Variants in FHIP1B observed in about 807,000 individuals in gnomAD.
The protein encoded by FHIP1B is FHF complex subunit HOOK interacting protein 1B.
A neutral mutation model predicts 82.2 loss-of-function variants in FHIP1B; 28 were observed. The ratio of observed to expected loss-of-function variants is 0.34; its 90% CI spans 0.25 to 0.47. The LOEUF (loss-of-function observed/expected upper bound fraction) is 0.47. Among genes scored for constraint, FHIP1B ranks in the 20% least tolerant of loss-of-function variants. The pLI is 1.00. For missense variants in FHIP1B, 1,110 were observed against 1,262.6 expected, an observed-to-expected ratio of 0.88 and a Z score of 1.83; for synonymous variants, 585 against 516.1, an observed-to-expected ratio of 1.13 and a Z score of -1.81.
At chr11:6,216,090 T>C (rs1048148882) in intron 9 of FHIP1B, among the ~76,000 whole-genome samples, 6 of 152,188 alleles carry the variant, frequency 3.9e-5, no homozygotes, top group African/African-American at 1.4e-4. Context: ...AAAGCTTCAA[T>C]TAATACTTCA....
Position 6,218,067 on chromosome 11 carries a change from G to A in FHIP1B, c.1519C>T (p.Arg507Trp), listed in dbSNP as rs780574233. The change falls in exon 9 of 12, where the codon CGG (arginine) becomes TGG (tryptophan). Residue 507 changes from arginine to tryptophan, a missense_variant. Physicochemically the swap from Arg to Trp is moderately radical, Grantham distance 101. Around this residue, in one of 6 missense-constraint regions of FHIP1B, gnomAD observed 418 missense variants for 371.4 expected, o/e 1.13. Coordinates refer to ENST00000449352, the MANE Select transcript of FHIP1B (RefSeq NM_001098794.2). The part of the protein sequence containing the change: ...STPSRLALFL[R>W]QQSLGGSESP... ...TCAGAGCCACCCAGGCTCTGCTGCC[G>A]CAGGAAGAGAGCCAGACGAGATGGT... 24 of 1,613,510 alleles carry A rather than the reference G, an allele frequency of 1.5e-5. No homozygotes were observed. The highest frequency in any genetic ancestry group is 1.1e-4 in the East Asian group (5 of 44,846).
At chr11:6,218,486 T>TGCCTAGCC (rs1847312670) in intron 8 of FHIP1B, 114 bp downstream of exon 8, 17 of 1,483,518 alleles carry the variant, frequency 1.1e-5, no homozygotes, top group Non-Finnish European at 1.5e-5. Context: ...AGACAGACTA[T>TGCCTAGCC]CATTCATGGA....
rs201955204 is a variant in FHIP1B at position 6,218,012 on chromosome 11, C to T, written c.1574G>A (p.Gly525Glu). 6.2e-7 allele frequency: 1 copy of T among 1,613,584 alleles called. No homozygotes were observed. The highest frequency in any genetic ancestry group is 2.2e-5 in the East Asian group (1 of 44,862). ...GCTGGAGGCGGGGGATGCAGAAAGC[C>T]CTGGTGAGCAAGGGGCTGGGCCTGG... ...ESPGPAPCSP[G>E]LSASPASSPG... The change falls in exon 9 of 12, where the codon GGG (glycine) becomes GAG (glutamate). Residue 525 changes from glycine to glutamate, a missense_variant. Gly to Glu is a moderately conservative substitution (Grantham distance 98). Coordinates refer to ENST00000449352, the MANE Select transcript of FHIP1B (RefSeq NM_001098794.2).
intron 6 of FHIP1B, among the ~76,000 whole-genome samples, chr11:6,220,130 T>A (rs1234028254): frequency 6.6e-6 from 1 of 152,138 alleles, no homozygotes. Flanking sequence ...GTATCCTAGA[T>A]GAGATTATCC....
intron 1 of FHIP1B, among the ~76,000 whole-genome samples, chr11:6,234,242 C>T (rs1025512018): frequency 2.6e-5 from 4 of 152,102 alleles, no homozygotes; most frequent in Admixed American, 2.0e-4. Context: ...TCGCGCAGGC[C>T]TTACCCCTCA....
Position 6,214,414 on chromosome 11 carries a change from G to C in FHIP1B, c.2554C>G (p.Leu852Val). ...AGPAPRRSDP[L>V]VKSRRPSLGE... ...GGTGTGGTGGGATAGGCCTCACCTAGGGGATCAGAACGGCGTGGGGCAGGT... is the reference window on the plus strand; with the variant it reads ...GGTGTGGTGGGATAGGCCTCACCTACGGGATCAGAACGGCGTGGGGCAGGT... The change falls in exon 11 of 12, where the codon CTA becomes GTA. Residue 852 changes from leucine (L) to valine (V), a missense_variant. By Grantham distance (32) the Leu-to-Val change is conservative. Transcript: ENST00000449352. The C allele has an allele frequency of 6.2e-7, 1 of 1,607,922 alleles. No individual in the cohort carries two copies.
In FHIP1B at chr11:6,211,498, G is replaced by C. The variant is rs750647959; in HGVS notation, c.*8C>G. ...CCACCCATGGCCCTGATTGTCCATG[G>C]AAGAAAGTTAAGGATTGAGGGGCCC... On this transcript the variant is annotated 3_prime_UTR_variant, in exon 12 of 12. Transcript: ENST00000449352. 3 of 1,572,022 alleles carry C rather than the reference G, an allele frequency of 1.9e-6. No individual in the cohort carries two copies. The highest frequency in any genetic ancestry group is 1.9e-5 in the Admixed American group (1 of 52,098).
rs59502569 is a variant in FHIP1B, at chr11:6,214,034, G to GAA, written c.2557+375_2557+376dup. Among the ~76,000 whole-genome samples, 366 of 36,628 alleles carry GAA rather than the reference G, an allele frequency of 1.0e-2. 32 individuals carry two copies. Among genetic ancestry groups the GAA allele is most frequent in the Middle Eastern group, 0.042 (2 of 48 alleles). The allele number at this position is 36,628 out of a possible 152,430, so 24.0% of individuals were successfully genotyped here. A position where few individuals can be genotyped will look rare whatever the true frequency, so the allele number is the denominator to read the frequency against. On this transcript the variant is annotated intron_variant, in intron 11 of 11. Transcript: ENST00000449352. ...AACTAAACAGTCCAGGACCTCTCCT[G>GAA]AAAAAAAAAAAAAAAAAAAAAAAAA...
At chr11:6,213,084 C>T (rs1847117958) in intron 11 of FHIP1B, among the ~76,000 whole-genome samples, 2 of 152,170 alleles carry the variant, frequency 1.3e-5, no homozygotes, top group African/African-American at 4.8e-5. Flanking sequence ...TCTTGTCTAC[C>T]TTGTCTACCT....
intron 1 of FHIP1B, among the ~76,000 whole-genome samples, chr11:6,229,127 A>T (rs915272922): frequency 6.6e-6 from 1 of 152,208 alleles, no homozygotes; most frequent in African/African-American, 2.4e-5. Flanking sequence ...TCTCAATCGT[A>T]TCTCATTTTA....
rs183010034 is a variant in FHIP1B, at chr11:6,219,058, G to T, written c.1192-8C>A. On this transcript the variant is annotated splice_region_variant and splice_polypyrimidine_tract_variant and intron_variant, in intron 6 of 11. Transcript: ENST00000449352. ...CAGAGAGACCATGCAGAGCTGGGGGGGTGGAGGGGAGGGAGGGAGTCACCA... is the reference window on the plus strand; with the variant it reads ...CAGAGAGACCATGCAGAGCTGGGGGTGTGGAGGGGAGGGAGGGAGTCACCA... 229 of 1,608,156 alleles carry T rather than the reference G, an allele frequency of 1.4e-4. No homozygotes were observed. Among genetic ancestry groups the T allele is most frequent in the Non-Finnish European group, 1.8e-4 (217 of 1,175,968 alleles).
At position 6,222,489 on chromosome 11, in the gene FHIP1B, G is replaced by A. The variant is rs755174314; in HGVS notation, c.1144C>T (p.His382Tyr). The A allele has an allele frequency of 6.2e-7, 1 of 1,614,076 alleles. No individual in the cohort carries two copies. The highest frequency in any genetic ancestry group is 1.7e-5 in the Admixed American group (1 of 60,016). ...RFLLLHRHDT[H>Y]TILDTLVARI... Reference sequence around the variant, plus strand: ...GCAACGAGGGTGTCGAGGATGGTGTGGGTGTCATGCCGGTGCAACAACAGG... The same window carrying A: ...GCAACGAGGGTGTCGAGGATGGTGTAGGTGTCATGCCGGTGCAACAACAGG... The change falls in exon 6 of 12, where the codon CAC becomes TAC. Residue 382 changes from histidine (H) to tyrosine (Y), a missense_variant. Physicochemically the swap from His to Tyr is moderately conservative, Grantham distance 83. Around this residue, in one of 6 missense-constraint regions of FHIP1B, gnomAD observed 467 missense variants for 602.9 expected, o/e 0.77. Transcript: ENST00000449352.
chr11:6,214,358 G>C, intron 11 of FHIP1B, 53 bp downstream of exon 11: 1 of 1,538,400 alleles, frequency 6.5e-7, no homozygotes, highest in South Asian at 1.2e-5. Context: ...ATTAACCTGG[G>C]TTAATAGGCT....
At position 6,222,450 on chromosome 11, in the gene FHIP1B, T is replaced by C; in HGVS notation, c.1183A>G (p.Asn395Asp). 1 of 1,613,822 alleles carries C rather than the reference T, an allele frequency of 6.2e-7. No individual in the cohort carries two copies. The highest frequency in any genetic ancestry group is 1.1e-5 in the South Asian group (1 of 91,060). ...AGGGGTAAGGGCCATACCCGGGAGT[T>C]ACTGCCAATACGAGCAACGAGGGTG... ...LDTLVARIGS[N>D]SRLCMVSLSL... Residue 395 changes from asparagine (N) to aspartate (D), a missense_variant, in exon 6 of 12, where the codon AAC becomes GAC. Physicochemically the swap from Asn to Asp is conservative, Grantham distance 23. Around this residue, in one of 6 missense-constraint regions of FHIP1B, gnomAD observed 467 missense variants for 602.9 expected, o/e 0.77. Coordinates refer to ENST00000449352, the MANE Select transcript of FHIP1B (RefSeq NM_001098794.2).
intron 1 of FHIP1B, among the ~76,000 whole-genome samples, chr11:6,232,852 C>CT (rs961579960): frequency 6.7e-4 from 98 of 146,562 alleles, no homozygotes; most frequent in Middle Eastern, 3.6e-3. Context: ...TAAATTAGAT[C>CT]TTTTTTTTTT....
At chr11:6,215,254 AAAAT>A (rs1847193113) in intron 9 of FHIP1B, 2 of 196,978 alleles carry the variant, frequency 1.0e-5, no homozygotes, top group Non-Finnish European at 2.0e-5. Flanking sequence ...GTAAAATAGG[AAAAT>A]ATACCTACCT....
chr11:6,213,302 T>C (rs1056722947), intron 11 of FHIP1B, among the ~76,000 whole-genome samples: 2 of 152,266 alleles, frequency 1.3e-5, no homozygotes, highest in Admixed American at 6.5e-5. Context: ...CTACTTCGAT[T>C]AGTAAATAAT....
At chr11:6,219,763 A>G (rs567136726) in intron 6 of FHIP1B, among the ~76,000 whole-genome samples, 3 of 152,232 alleles carry the variant, frequency 2.0e-5, no homozygotes, top group Non-Finnish European at 4.4e-5. Flanking sequence ...CACTTTCTCT[A>G]TACTTCCCTT....
chr11:6,216,797 A>C, intron 9 of FHIP1B: 1 of 511,692 alleles, frequency 2.0e-6, no homozygotes, highest in African/African-American at 1.9e-5. Context: ...ACAGCAACCA[A>C]GAAGGTACAA....
Sources: gnomAD v4.1 joint callset for allele counts (sites outside exome capture counted in the v4.1 genomes callset) on GRCh38, gnomAD v4.1.1 for gene constraint, gnomAD v4.1.1 regional missense constraint, MANE v1.5 for transcripts, NCBI Gene and HGNC (gene_info 2026-07-23, HGNC 2026-07-21) for gene names.